The following PTPRG variants were observed in gnomAD, a reference collection of about 807,000 sequenced individuals.
The protein encoded by PTPRG is receptor-type tyrosine-protein phosphatase gamma.
PTPRG carries 102 observed loss-of-function variants against 165.3 expected under a neutral mutation model. The ratio of observed to expected loss-of-function variants is 0.62; its 90% CI spans 0.53 to 0.73. PTPRG has a LOEUF of 0.73. Ranked by LOEUF, PTPRG falls within the 30% of genes least tolerant of loss-of-function variation. PTPRG has a pLI of 0.00. For synonymous variants in PTPRG, 675 were observed against 669.5 expected (o/e 1.01, Z -0.13); for missense variants, 1,866 against 1,861.4 (o/e 1.00, Z -0.05).
At chr3:62,074,882 C>T (rs1575970428) in intron 4 of PTPRG, among the ~76,000 whole-genome samples, 2 of 152,102 alleles carry the variant, frequency 1.3e-5, no homozygotes, top group East Asian at 3.9e-4. Flanking sequence ...AAAATAGTTT[C>T]CAGCCTCTGT....
At chr3:61,637,335 G>A (rs1701938938) in intron 1 of PTPRG, among the ~76,000 whole-genome samples, 2 of 152,132 alleles carry the variant, frequency 1.3e-5, no homozygotes, top group Non-Finnish European at 2.9e-5. Flanking sequence ...ATGACTTGAA[G>A]GTTAACTTGG....
In PTPRG at chr3:62,198,032, A is replaced by C. The variant is rs546201836; in HGVS notation, c.1327+2862A>C. ...GAATAATTAGGTTTCTCAGTAATAA[A>C]TTTAATCTGGCTTGGGAGCATTAGG... On this transcript the variant is annotated intron_variant, in intron 10 of 29. Coordinates refer to ENST00000474889, the MANE Select transcript of PTPRG (RefSeq NM_002841.4). 2.4e-4 allele frequency among the ~76,000 whole-genome samples: 37 copies of C among 152,322 alleles called. No homozygotes were observed. In the South Asian group the frequency reaches 7.5e-3, roughly 31 times the overall value.
chr3:61,684,377 C>T (rs1703553037), intron 1 of PTPRG, among the ~76,000 whole-genome samples: 1 of 152,172 alleles, frequency 6.6e-6, no homozygotes, highest in South Asian at 2.1e-4. Context: ...GGTGAGCATA[C>T]ATTTTGATTT....
chr3:61,623,915 C>T (rs1451208499), intron 1 of PTPRG, among the ~76,000 whole-genome samples: 8 of 152,172 alleles, frequency 5.3e-5, no homozygotes, highest in Admixed American at 1.3e-4. Flanking sequence ...GCACCAAATA[C>T]AGCCGCTGGT....
At chr3:62,073,715 A>G (rs1189472950) in intron 4 of PTPRG, among the ~76,000 whole-genome samples, 2 of 152,182 alleles carry the variant, frequency 1.3e-5, no homozygotes, top group Non-Finnish European at 2.9e-5. Flanking sequence ...TCCTGACCTC[A>G]AGTGATCCAT....
At chr3:61,677,584 A>G (rs1703276125) in intron 1 of PTPRG, among the ~76,000 whole-genome samples, 1 of 152,240 alleles carries the variant, frequency 6.6e-6, no homozygotes, top group Non-Finnish European at 1.5e-5. Flanking sequence ...TATAAAAGCC[A>G]TAGATCTAGG....
At position 62,157,206 on chromosome 3, in the gene PTPRG, C is replaced by G; in HGVS notation, c.822C>G (p.Val274=). Reference sequence around the variant, plus strand: ...AGTGGATAGTCTTCCGGAGACCCGTCCCCATCTCTTACCATCAGGTAGATA... The same window carrying G: ...AGTGGATAGTCTTCCGGAGACCCGTGCCCATCTCTTACCATCAGGTAGATA... ...IVEWIVFRRP[V]PISYHQLEAF... Residue 274 remains valine, a synonymous_variant, in exon 7 of 30, where the codon GTC becomes GTG. Transcript: ENST00000474889. The G allele has an allele frequency of 6.2e-7, 1 of 1,613,758 alleles. No homozygotes were observed. The highest frequency in any genetic ancestry group is 1.1e-5 in the South Asian group (1 of 91,058).
At chr3:62,007,390 A>G (rs998145723) in intron 4 of PTPRG, among the ~76,000 whole-genome samples, 2 of 152,238 alleles carry the variant, frequency 1.3e-5, no homozygotes, top group Non-Finnish European at 2.9e-5. Flanking sequence ...AAACAACAAA[A>G]CAAGACGAAA....
rs140496726 is a variant in PTPRG at position 62,127,481 on chromosome 3, A to G, written c.616-5121A>G. 1.6e-3 allele frequency among the ~76,000 whole-genome samples: 247 copies of G among 152,302 alleles called. 2 individuals are homozygous for G. In the East Asian group the frequency reaches 0.037, roughly 23 times the overall value. Reference sequence around the variant, plus strand: ...GGGTGGGTGAATCCTCTTCTCTGCAATTCTGGAAGGCCATGTGGAGTCTCT... The same window carrying G: ...GGGTGGGTGAATCCTCTTCTCTGCAGTTCTGGAAGGCCATGTGGAGTCTCT... On this transcript the variant is annotated intron_variant, in intron 5 of 29. Transcript: ENST00000474889.
intron 2 of PTPRG, among the ~76,000 whole-genome samples, chr3:61,968,779 T>G (rs2040326680): frequency 6.6e-6 from 1 of 152,166 alleles, no homozygotes; most frequent in Admixed American, 6.6e-5. Context: ...TATATGAGGA[T>G]GATCTTGATG....
chr3:62,258,030 A>G lies in PTPRG; in HGVS notation c.2559+2815A>G, dbSNP rs1302114850. On this transcript the variant is annotated intron_variant, in intron 16 of 29. Transcript: ENST00000474889. ...GCCAAGGTCAGAAGGAGAAATAAGG[A>G]AGCTTGCAAGTGACTAGAAATGATC... Among the ~76,000 whole-genome samples, 3 of 152,114 alleles carry G rather than the reference A, an allele frequency of 2.0e-5. No individual in the cohort carries two copies. In the East Asian group the frequency reaches 5.8e-4, roughly 29 times the overall value.
chr3:62,276,754 ATTCC>A (rs1702244387), intron 24 of PTPRG: 2 of 532,234 alleles, frequency 3.8e-6, no homozygotes, highest in Non-Finnish European at 6.7e-6. Flanking sequence ...GTAAAACTGT[ATTCC>A]TACAATGCCT....
chr3:62,224,737 C>T lies in PTPRG; in HGVS notation c.2288+5754C>T, dbSNP rs141944238. 7.2e-5 allele frequency among the ~76,000 whole-genome samples: 11 copies of T among 152,238 alleles called. No homozygotes were observed. In the East Asian group the frequency reaches 1.7e-3, roughly 24 times the overall value. ...GAGAGACCTCAGACATCAGTCTCAT[C>T]GGGGACTATTTGAGCAGTGTTTTTA... On this transcript the variant is annotated intron_variant, in intron 13 of 29. Coordinates refer to ENST00000474889, the MANE Select transcript of PTPRG (RefSeq NM_002841.4). The surrounding 1 kb of genome is among the most constrained non-coding windows in gnomAD (Gnocchi z 4.9).
At chr3:62,058,371 A>G (rs1039374995) in intron 4 of PTPRG, among the ~76,000 whole-genome samples, 14 of 152,010 alleles carry the variant, frequency 9.2e-5, no homozygotes, top group African/African-American at 2.4e-4. Context: ...GGGTTTTGCT[A>G]TGTCAACCAG....
At chr3:61,840,782 G>GTTTTTTTTTTTTTTTTTTTTT (rs149041037) in intron 2 of PTPRG, among the ~76,000 whole-genome samples, 2 of 120,108 alleles carry the variant, frequency 1.7e-5, no homozygotes, top group African/African-American at 6.3e-5. Flanking sequence ...TTGTTTGTTT[G>GTTTTTTTTTTTTTTTTTTTTT]TTTTTTTTTT....
At chr3:62,169,904 T>G (rs1195714968) in intron 8 of PTPRG, among the ~76,000 whole-genome samples, 2 of 152,156 alleles carry the variant, frequency 1.3e-5, no homozygotes. Context: ...TGGGATTCTA[T>G]TCCACAAGTA....
intron 4 of PTPRG, among the ~76,000 whole-genome samples, chr3:62,067,235 T>C (rs13094307): frequency 0.15 from 21,525 of 147,648 alleles, 1,846 homozygotes; most frequent in East Asian, 0.26. Flanking sequence ...ACTATGGACA[T>C]TCTGGGTGGA....
chr3:62,231,068 T>A (rs900868413), intron 13 of PTPRG, among the ~76,000 whole-genome samples, 157 bp from the exon 14 acceptor site: 2 of 152,188 alleles, frequency 1.3e-5, no homozygotes, highest in Middle Eastern at 3.2e-3. Context: ...AGCTCCTTTG[T>A]GCATAAGCAT....
chr3:61,935,311 G>T (rs897643670), intron 2 of PTPRG, among the ~76,000 whole-genome samples: 1 of 152,172 alleles, frequency 6.6e-6, no homozygotes, highest in Non-Finnish European at 1.5e-5. Flanking sequence ...CAGATGGACA[G>T]AATACGTCCT....
Sources: allele counts gnomAD v4.1 joint callset (sites outside exome capture counted in the v4.1 genomes callset), GRCh38; gene constraint gnomAD v4.1.1; non-coding constraint Gnocchi (gnomAD v3.1); transcripts MANE v1.5; gene names NCBI Gene and HGNC (gene_info 2026-07-23, HGNC 2026-07-21).